Variants in FAM240A observed in about 807,000 individuals in gnomAD.
The protein encoded by FAM240A is family with sequence similarity 240 member A, also known as protein FAM240A.
FAM240A carries 8 observed loss-of-function variants against 7.3 expected under a neutral mutation model. That is an observed-to-expected ratio of 1.09 (90% CI 0.64 to 1.97). FAM240A has a LOEUF of 1.97. FAM240A is among the 30% of genes most tolerant of loss of function. The pLI, the probability that FAM240A is intolerant of heterozygous loss-of-function variation, is 0.00. For missense variants in FAM240A, 90 were observed against 102.2 expected, an observed-to-expected ratio of 0.88 and a Z score of 0.52; for synonymous variants, 32 against 35.9, an observed-to-expected ratio of 0.89 and a Z score of 0.38.
At chr3:46,613,491 C>CTAAGTAAATAAA (rs1697590866) in intron 1 of FAM240A, among the ~76,000 whole-genome samples, 1 of 137,856 alleles carries the variant, frequency 7.3e-6, no homozygotes, top group Admixed American at 7.4e-5. Context: ...GAAACTCCTT[C>CTAAGTAAATAAA]TAAATAAATA....
intron 1 of FAM240A, among the ~76,000 whole-genome samples, chr3:46,615,845 T>C (rs904615798): frequency 2.1e-5 from 3 of 145,796 alleles, no homozygotes; most frequent in Admixed American, 6.9e-5. Flanking sequence ...CCCACATGTG[T>C]GCACGCACAC....
intron 2 of FAM240A, among the ~76,000 whole-genome samples, chr3:46,623,525 C>A (rs910753920): frequency 6.6e-6 from 1 of 152,122 alleles, no homozygotes; most frequent in Non-Finnish European, 1.5e-5. Context: ...CTTCTCCTTG[C>A]AGTTCTATCA....
Position 46,617,279 on chromosome 3 carries a change from T to G in FAM240A, c.112T>G (p.Tyr38Asp), listed in dbSNP as rs1384819458. ...FWEREIGKQT[Y>D]YRESEERRLG... ...GGAAAGGGAAATTGGCAAACAGACT[T>G]ACTACCGAGAATCAGAGGAACGTCG... Residue 38 changes from tyrosine to aspartate, a missense_variant, in exon 2 of 3, where the codon TAC (tyrosine) becomes GAC (aspartate). Transcript: ENST00000640551. 1 of 1,535,464 alleles carries G rather than the reference T, an allele frequency of 6.5e-7. No individual in the cohort carries two copies. Among genetic ancestry groups the G allele is most frequent in the Non-Finnish European group, 8.7e-7 (1 of 1,146,486 alleles).
At chr3:46,619,577 A>G (rs77459865) in intron 2 of FAM240A, among the ~76,000 whole-genome samples, 2,053 of 152,272 alleles carry the variant, frequency 0.013, 43 homozygotes, top group African/African-American at 0.047. Flanking sequence ...CCTGTCCACT[A>G]CAGGATCTGA....
At position 46,617,173 on chromosome 3, in the gene FAM240A, T is replaced by C; in HGVS notation, c.16-10T>C. The C allele has an allele frequency of 6.6e-7, 1 of 1,513,632 alleles. No homozygotes were observed. Among genetic ancestry groups the C allele is most frequent in the Non-Finnish European group, 8.8e-7 (1 of 1,136,984 alleles). The allele number at this position is 1,513,632 out of a possible 1,614,324, so 93.8% of individuals were successfully genotyped here. On this transcript the variant is annotated splice_polypyrimidine_tract_variant and intron_variant, in intron 1 of 2. Transcript: ENST00000640551. ...TTTTTGGTTATTTGTATGGCTATTTTCCTTTTTAGGGGATGAACAATCAAT... is the reference window on the plus strand; with the variant it reads ...TTTTTGGTTATTTGTATGGCTATTTCCCTTTTTAGGGGATGAACAATCAAT...
chr3:46,624,631 C>T (rs62248693), intron 2 of FAM240A, among the ~76,000 whole-genome samples: 7,313 of 152,130 alleles, frequency 0.048, 266 homozygotes, highest in Non-Finnish European at 0.072. Flanking sequence ...ATAACCACAT[C>T]GTTGCTTTTC....
At chr3:46,620,517 G>A (rs1399591098) in intron 2 of FAM240A, among the ~76,000 whole-genome samples, 1 of 146,600 alleles carries the variant, frequency 6.8e-6, no homozygotes, top group Non-Finnish European at 1.5e-5. Flanking sequence ...AAAAAAATCC[G>A]GATCTAATCA....
chr3:46,625,187 A>T lies in FAM240A; in HGVS notation c.221A>T (p.Glu74Val). 6.5e-7 allele frequency: 1 copy of T among 1,533,996 alleles called. No individual in the cohort carries two copies. Among genetic ancestry groups the T allele is most frequent in the Non-Finnish European group, 8.7e-7 (1 of 1,145,700 alleles). The part of the protein sequence containing the change: ...ETKLRLRNNP[E>V]DTEKRTNVG ...AAGCTGAGGCTGCGGAACAATCCAG[A>T]GGACACTGAAAAGAGGACAAATGTT... The change falls in exon 3 of 3, where the codon GAG (glutamate) becomes GTG (valine). Residue 74 changes from glutamate (E) to valine (V), a missense_variant. Transcript: ENST00000640551.
chr3:46,617,182 G>C lies in FAM240A; in HGVS notation c.16-1G>C. 6.6e-7 allele frequency: 1 copy of C among 1,516,268 alleles called. No homozygotes were observed. Among genetic ancestry groups the C allele is most frequent in the Non-Finnish European group, 8.8e-7 (1 of 1,138,570 alleles). The allele number at this position is 1,516,268 out of a possible 1,614,324, so 93.9% of individuals were successfully genotyped here. On this transcript the variant is annotated splice_acceptor_variant, in intron 1 of 2. Transcript: ENST00000640551. LOFTEE classifies it high-confidence loss of function. ...ATTTGTATGGCTATTTTCCTTTTTAGGGGATGAACAATCAATACACCCGTC... is the reference window on the plus strand; with the variant it reads ...ATTTGTATGGCTATTTTCCTTTTTACGGGATGAACAATCAATACACCCGTC...
chr3:46,615,091 A>G (rs1189209838), intron 1 of FAM240A, among the ~76,000 whole-genome samples: 4 of 152,160 alleles, frequency 2.6e-5, no homozygotes, highest in Non-Finnish European at 5.9e-5. Flanking sequence ...CATGTGACAA[A>G]CAGACGGCGC....
chr3:46,622,014 T>A (rs1697700224), intron 2 of FAM240A, among the ~76,000 whole-genome samples: 1 of 77,998 alleles, frequency 1.3e-5, no homozygotes, highest in East Asian at 3.2e-4. Context: ...TCTTCTCTCA[T>A]CTTATCATTG....
In FAM240A at chr3:46,626,348, C is replaced by CAA. The variant is rs1697761224; in HGVS notation, c.*1130_*1131insAA. ...AAGGACACCTGAACCCCCAGCCATC[C>CAA]TTTGGAACATAGGTTGTACAGGGGA... On this transcript the variant is annotated 3_prime_UTR_variant, in exon 3 of 3. Transcript: ENST00000640551. 6.6e-6 allele frequency: 1 copy of CAA among 152,208 alleles called. No individual in the cohort carries two copies. Among genetic ancestry groups the CAA allele is most frequent in the South Asian group, 2.1e-4 (1 of 4,836 alleles). 9.4% of individuals were successfully genotyped at this position (152,208 alleles called of 1,614,324 possible).
intron 1 of FAM240A, among the ~76,000 whole-genome samples, chr3:46,613,399 C>G (rs1677479020): frequency 6.6e-6 from 1 of 151,940 alleles, no homozygotes; most frequent in Non-Finnish European, 1.5e-5. Flanking sequence ...GAGGCTGAAG[C>G]AGGAGAATCA....
At position 46,626,025 on chromosome 3, in the gene FAM240A, A is replaced by T. The variant is rs1697758496; in HGVS notation, c.*807A>T. On this transcript the variant is annotated 3_prime_UTR_variant, in exon 3 of 3. Coordinates refer to ENST00000640551, the MANE Select transcript of FAM240A (RefSeq NM_001195442.2). ...TCAAGTTCAGAAGCACCAGGGTTTG[A>T]TGCTTCCAAGAGTGCAAACTGTAAC... is the stretch of plus-strand genomic sequence containing the variant. 1.3e-5 allele frequency: 2 copies of T among 152,192 alleles called. No homozygotes were observed. The highest frequency in any genetic ancestry group is 6.5e-5 in the Admixed American group (1 of 15,290). The allele number at this position is 152,192 out of a possible 1,614,324, so 9.4% of individuals were successfully genotyped here. A position where few individuals can be genotyped will look rare whatever the true frequency, so the allele number is the denominator to read the frequency against.
chr3:46,623,636 C>T (rs559954044), intron 2 of FAM240A, among the ~76,000 whole-genome samples: 1 of 152,192 alleles, frequency 6.6e-6, no homozygotes, highest in African/African-American at 2.4e-5. Flanking sequence ...CAAAATGACC[C>T]TCTTTCTCTT....
At chr3:46,617,912 C>T (rs2107142471) in intron 2 of FAM240A, among the ~76,000 whole-genome samples, 1 of 152,322 alleles carries the variant, frequency 6.6e-6, no homozygotes, top group Admixed American at 6.5e-5. Flanking sequence ...AGTACAGTGA[C>T]TCCCGTGGGC....
chr3:46,624,470 C>T (rs990762832), intron 2 of FAM240A, among the ~76,000 whole-genome samples: 1 of 151,898 alleles, frequency 6.6e-6, no homozygotes. Flanking sequence ...CAGGGTTTCA[C>T]CATATTGGCC....
chr3:46,612,678 C>G lies in FAM240A; in HGVS notation c.-6C>G. 1.3e-6 allele frequency: 2 copies of G among 1,535,616 alleles called. No homozygotes were observed. Among genetic ancestry groups the G allele is most frequent in the Non-Finnish European group, 1.7e-6 (2 of 1,146,390 alleles). On this transcript the variant is annotated 5_prime_UTR_variant, in exon 1 of 3. It adds an upstream start codon to the 5' untranslated region. Transcript: ENST00000640551. ...TTCGACTGAATCGATGTCTTCACAT[C>G]CCTTCATGCGGTTGTTCTCTGTAAG...
At chr3:46,622,086 C>A (rs957434456) in intron 2 of FAM240A, among the ~76,000 whole-genome samples, 1 of 136,878 alleles carries the variant, frequency 7.3e-6, no homozygotes, top group Non-Finnish European at 1.6e-5. Context: ...TTGATCAAGT[C>A]TAATTTACGA....
Sources: allele counts gnomAD v4.1 joint callset (sites outside exome capture counted in the v4.1 genomes callset), GRCh38; gene constraint gnomAD v4.1.1; transcripts MANE v1.5; gene names NCBI Gene and HGNC (gene_info 2026-07-23, HGNC 2026-07-21).